GLIS3: variants seen among roughly 807,000 people sequenced by gnomAD.
The protein encoded by GLIS3 is GLIS family zinc finger 3, also known as zinc finger protein GLIS3.
A neutral mutation model predicts 78.6 loss-of-function variants in GLIS3; 53 were observed. The ratio of observed to expected loss-of-function variants is 0.67; its 90% CI spans 0.54 to 0.85. The LOEUF is 0.85. GLIS3 is among the 40% of genes least tolerant of loss of function. The pLI is 0.00. For missense variants in GLIS3, 1,703 were observed against 1,231.1 expected, an observed-to-expected ratio of 1.38 and a Z score of -5.74; for synonymous variants, 684 against 509.9, an observed-to-expected ratio of 1.34 and a Z score of -4.60.
intron 2 of GLIS3, among the ~76,000 whole-genome samples, chr9:4,278,906 T>A (rs928431318): frequency 6.6e-6 from 1 of 152,230 alleles, no homozygotes; most frequent in African/African-American, 2.4e-5. Context: ...ACAAATCACC[T>A]TCATAGTGTT....
At chr9:4,377,306 G>A in the GLIS3 span, among the ~76,000 whole-genome samples, 2 of 135,268 alleles carry the variant, frequency 1.5e-5, 1 homozygote, top group African/African-American at 5.2e-5. Context: ...TGAGTCTCCT[G>A]GCTTTCATCT....
intron 7 of GLIS3, 142 bp downstream of exon 7, chr9:3,898,549 G>A: frequency 1.1e-6 from 1 of 881,484 alleles, no homozygotes; most frequent in East Asian, 2.6e-5. Flanking sequence ...ATCAGAAGGG[G>A]TGGAGAGCAA....
chr9:4,168,146 C>A (rs920326173), intron 2 of GLIS3, among the ~76,000 whole-genome samples: 1 of 152,074 alleles, frequency 6.6e-6, no homozygotes, highest in African/African-American at 2.4e-5. Flanking sequence ...CCAGTTGTTG[C>A]CTTTCTTATC....
intron 4 of GLIS3, among the ~76,000 whole-genome samples, chr9:4,000,575 G>C (rs115988523): frequency 3.3e-5 from 5 of 152,226 alleles, no homozygotes; most frequent in Middle Eastern, 3.4e-3. Context: ...TACACCCAAA[G>C]CTCGTTTAAA....
chr9:4,375,111 C>T, the GLIS3 span, among the ~76,000 whole-genome samples: 4 of 152,182 alleles, frequency 2.6e-5, no homozygotes, highest in Admixed American at 6.5e-5. Flanking sequence ...CCTGACAGAA[C>T]CCACTGTTCT....
At chr9:4,066,907 G>A (rs1026024237) in intron 4 of GLIS3, among the ~76,000 whole-genome samples, 2 of 152,204 alleles carry the variant, frequency 1.3e-5, no homozygotes, top group East Asian at 3.9e-4. Flanking sequence ...CCGTGGATCA[G>A]CCCCGGCTCA....
At chr9:4,386,855 T>C in the GLIS3 span, among the ~76,000 whole-genome samples, 1 of 152,314 alleles carries the variant, frequency 6.6e-6, no homozygotes, top group African/African-American at 2.4e-5. Context: ...CACTGAGAGA[T>C]GTGATCCCCA....
the GLIS3 span, among the ~76,000 whole-genome samples, chr9:4,415,516 T>G: frequency 6.6e-6 from 1 of 152,164 alleles, no homozygotes; most frequent in Admixed American, 6.5e-5. Flanking sequence ...TGTTTGCAAA[T>G]TGCACTTGAA....
At chr9:4,479,904 CTTTTTTTTTTTT>C in the GLIS3 span, among the ~76,000 whole-genome samples, 2 of 108,716 alleles carry the variant, frequency 1.8e-5, no homozygotes, top group Non-Finnish European at 3.7e-5. Flanking sequence ...ATTTCTTCTT[CTTTTTTTTTTTT>C]TTTTTTTTTT....
intron 7 of GLIS3, among the ~76,000 whole-genome samples, chr9:3,896,087 T>TAACTA (rs1294581968): frequency 6.6e-6 from 1 of 152,254 alleles, no homozygotes; most frequent in African/African-American, 2.4e-5. Flanking sequence ...ATTTTACATT[T>TAACTA]AACTAATTGA....
At chr9:4,053,296 T>C (rs1285323996) in intron 4 of GLIS3, among the ~76,000 whole-genome samples, 1 of 152,150 alleles carries the variant, frequency 6.6e-6, no homozygotes. Context: ...GGGGCCATTG[T>C]GGGATCAAGC....
intron 6 of GLIS3, among the ~76,000 whole-genome samples, chr9:3,927,480 G>C (rs1160012216): frequency 6.6e-6 from 1 of 152,146 alleles, no homozygotes; most frequent in Non-Finnish European, 1.5e-5. Flanking sequence ...CTTTTTAAAA[G>C]AAATATCTAA....
rs369152789 is a variant in GLIS3 at position 4,118,779 on chromosome 9, G to A, written c.699C>T (p.Ala233=). Residue 233 remains alanine, a synonymous_variant, in exon 4 of 11, where the codon GCC becomes GCT. Coordinates refer to ENST00000381971, the MANE Select transcript of GLIS3 (RefSeq NM_001042413.2). The surrounding 1 kb of genome is among the most constrained non-coding windows in gnomAD (Gnocchi z 4.7). ...MKQEWSQGYR[A]LPSLSNHGSQ... ...AGCCGTGGTTGGAGAGCGAAGGGAGGGCCCTGTAGCCCTGGGACCACTCCT... is the reference window on the plus strand; with the variant it reads ...AGCCGTGGTTGGAGAGCGAAGGGAGAGCCCTGTAGCCCTGGGACCACTCCT... 3 of 1,612,532 alleles carry A rather than the reference G, an allele frequency of 1.9e-6. No homozygotes were observed. The highest frequency in any genetic ancestry group is 2.7e-5 in the African/African-American group (2 of 75,018).
At chr9:4,204,752 A>T (rs1300070111) in intron 2 of GLIS3, among the ~76,000 whole-genome samples, 5 of 151,972 alleles carry the variant, frequency 3.3e-5, no homozygotes, top group African/African-American at 9.7e-5. Context: ...TGTCTCTAGT[A>T]AAATACAAAA....
intron 4 of GLIS3, among the ~76,000 whole-genome samples, chr9:4,011,331 G>C (rs1821987818): frequency 6.6e-6 from 1 of 152,226 alleles, no homozygotes; most frequent in Admixed American, 6.5e-5. Context: ...CAGAGTCTCT[G>C]TCCTCAAGGA....
At chr9:4,262,738 G>T (rs1825642799) in intron 2 of GLIS3, among the ~76,000 whole-genome samples, 1 of 152,026 alleles carries the variant, frequency 6.6e-6, no homozygotes, top group Admixed American at 6.6e-5. Context: ...ATGGGATTCT[G>T]CCACCCCATT....
chr9:4,337,538 T>G (rs1817772165), intron 2 of GLIS3, among the ~76,000 whole-genome samples: 1 of 152,222 alleles, frequency 6.6e-6, no homozygotes, highest in Non-Finnish European at 1.5e-5. Flanking sequence ...GATGTATATT[T>G]CCTTTATAAT....
chr9:4,197,146 G>C (rs1406520832), intron 2 of GLIS3, among the ~76,000 whole-genome samples: 1 of 152,134 alleles, frequency 6.6e-6, no homozygotes, highest in Non-Finnish European at 1.5e-5. Context: ...GTGCAGTGGG[G>C]CTCTCTGTGC....
intron 2 of GLIS3, among the ~76,000 whole-genome samples, chr9:4,149,145 G>C (rs1834469006): frequency 6.6e-6 from 1 of 152,110 alleles, no homozygotes; most frequent in Non-Finnish European, 1.5e-5. Flanking sequence ...GAATAATAAT[G>C]ATAGTGATTC....
Sources: allele counts gnomAD v4.1 joint callset (sites outside exome capture counted in the v4.1 genomes callset), GRCh38; gene constraint gnomAD v4.1.1; non-coding constraint Gnocchi (gnomAD v3.1); transcripts MANE v1.5; gene names NCBI Gene and HGNC (gene_info 2026-07-23, HGNC 2026-07-21).